The following TMEM130 variants were observed in gnomAD, a reference collection of about 807,000 sequenced individuals.
The protein encoded by TMEM130 is transmembrane protein 130.
In TMEM130, 37 loss-of-function variants were observed where a neutral mutation model predicts 42.9. The observed-to-expected ratio is 0.86, with a 90% CI of 0.66 to 1.13. TMEM130 has a LOEUF of 1.13. Among genes scored for constraint, TMEM130 ranks in the 50% most tolerant of loss-of-function variants. The pLI is 0.00. For synonymous variants in TMEM130, 259 were observed against 237.7 expected (o/e 1.09, Z -0.82); for missense variants, 545 against 562.6 (o/e 0.97, Z 0.32).
Position 98,869,068 on chromosome 7 carries a change from C to T in TMEM130, c.85+709G>A. The stretch of plus-strand genomic sequence containing the variant: ...AGCTGCCCACGTCCCATCTGTCCCT[C>T]GAATAGTCTTAAATCTGGGTCCTTT... On this transcript the variant is annotated intron_variant, in intron 1 of 7. Transcript: ENST00000339375. This position sits in a 1 kb window ranked among gnomAD's most constrained non-coding sequence, Gnocchi z 4.7. The T allele has an allele frequency of 1.3e-6, 1 of 743,980 alleles. No individual in the cohort carries two copies. Among genetic ancestry groups the T allele is most frequent in the Non-Finnish European group, 1.8e-6 (1 of 545,594 alleles). 46.1% of individuals were successfully genotyped at this position (743,980 alleles called of 1,614,324 possible).
chr7:98,848,631 G>A lies in TMEM130; in HGVS notation c.1071C>T (p.Ile357=). 6.2e-7 allele frequency: 1 copy of A among 1,614,108 alleles called. No individual in the cohort carries two copies. Among genetic ancestry groups the A allele is most frequent in the Admixed American group, 1.7e-5 (1 of 60,008 alleles). The change falls in exon 7 of 8, where the codon ATC becomes ATT. Residue 357 remains isoleucine, a synonymous_variant. Coordinates refer to ENST00000339375, the MANE Select transcript of TMEM130 (RefSeq NM_152913.3). ...TGGCATTCCGCAGGGTCATGTACATGATGAAGGCCAACATCACAGTGATAA... is the reference window on the plus strand; with the variant it reads ...TGGCATTCCGCAGGGTCATGTACATAATGAAGGCCAACATCACAGTGATAA... ...ATLITVMLAF[I]MYMTLRNATQ...
At chr7:98,860,942 CAAAAAAAAAAAAA>C (rs3066865) in intron 2 of TMEM130, among the ~76,000 whole-genome samples, 6 of 69,512 alleles carry the variant, frequency 8.6e-5, no homozygotes, top group Non-Finnish European at 5.5e-5. Context: ...GACTCTGTCT[CAAAAAAAAAAAAA>C]AAAAAAAAAA....
rs145989307 is a variant in TMEM130 at position 98,851,507 on chromosome 7, T to G, written c.920A>C (p.Asp307Ala). 4,916 of 1,613,942 alleles carry G rather than the reference T, an allele frequency of 3.0e-3. 82 individuals carry two copies. In the Admixed American group the frequency reaches 0.041, roughly 14 times the overall value. Residue 307 changes from aspartate (D) to alanine (A), a missense_variant, in exon 6 of 8, where the codon GAC (aspartate) becomes GCC (alanine). Coordinates refer to ENST00000339375, the MANE Select transcript of TMEM130 (RefSeq NM_152913.3). Reference sequence around the variant, plus strand: ...GATGCTGAAGCAGTAGTCCCCAGGGTCCCTGAAGGTGTGGGTCAGGTTGTA... The same window carrying G: ...GATGCTGAAGCAGTAGTCCCCAGGGGCCCTGAAGGTGTGGGTCAGGTTGTA... ...TAYNLTHTFR[D>A]PGDYCFSIRA...
intron 7 of TMEM130, 33 bp from the exon 8 acceptor site, chr7:98,848,241 C>T: frequency 6.2e-7 from 1 of 1,613,290 alleles, no homozygotes; most frequent in Non-Finnish European, 8.5e-7. Context: ...TCAAAATCAG[C>T]CACCTATGAT....
At chr7:98,860,471 G>A (rs782228361) in intron 2 of TMEM130, 133 bp from the exon 3 acceptor site, 4 of 921,824 alleles carry the variant, frequency 4.3e-6, no homozygotes. Context: ...AGCTAGGCAG[G>A]GAGAGGGGAC....
chr7:98,860,041 C>T (rs1417426621), intron 3 of TMEM130, 138 bp downstream of exon 3: 2 of 712,248 alleles, frequency 2.8e-6, no homozygotes, highest in East Asian at 6.8e-5. Flanking sequence ...TGCACTCCAG[C>T]CTGGATGACA....
intron 4 of TMEM130, 32 bp downstream of exon 4, chr7:98,855,985 C>T: frequency 1.9e-6 from 3 of 1,605,948 alleles, no homozygotes; most frequent in Non-Finnish European, 2.5e-6. Context: ...CTCTGGAACG[C>T]CCAGACTGCA....
At chr7:98,859,719 TATAA>T (rs56856307) in intron 3 of TMEM130, among the ~76,000 whole-genome samples, 56,283 of 149,342 alleles carry the variant, frequency 0.38, 13,031 homozygotes, top group Non-Finnish European at 0.5. Flanking sequence ...TACTAAAAAA[TATAA>T]ATAAATAAAT....
In TMEM130 at chr7:98,856,163, TCTTCAGTCACCATCTGGGTC is replaced by T; in HGVS notation, c.552_571del (p.Thr185LeufsTer6). 1 of 1,613,604 alleles carries T rather than the reference TCTTCAGTCACCATCTGGGTC, an allele frequency of 6.2e-7. No individual in the cohort carries two copies. The highest frequency in any genetic ancestry group is 8.5e-7 in the Non-Finnish European group (1 of 1,179,940). On this transcript the variant is annotated frameshift_variant and splice_region_variant, in exon 4 of 8. Transcript: ENST00000339375. LOFTEE classifies it high-confidence loss of function. ...GGAATAGTTATAATAGACCACGGAG[TCTTCAGTCACCATCTGGGTC>T]CTGTTAGGAGACAGGGAGGAGAGAG...
rs572880172 is a variant in TMEM130 at position 98,854,099 on chromosome 7, G to A, written c.803+1141C>T. Among the ~76,000 whole-genome samples, 7 of 150,322 alleles carry A rather than the reference G, an allele frequency of 4.7e-5. No individual in the cohort carries two copies. The South Asian group carries it at 1.1e-3, about 23-fold the overall frequency. On this transcript the variant is annotated intron_variant, in intron 5 of 7. Transcript: ENST00000339375. Reference sequence around the variant, plus strand: ...GTCGCCCAGGCTGGAGTGCAATGGCGGGATCTCGGCTCACTGCAACCTCCA... The same window carrying A: ...GTCGCCCAGGCTGGAGTGCAATGGCAGGATCTCGGCTCACTGCAACCTCCA...
rs148531068 is a variant in TMEM130 at position 98,847,504 on chromosome 7, C to CTG, written c.*550_*551dup. On this transcript the variant is annotated 3_prime_UTR_variant, in exon 8 of 8. Coordinates refer to ENST00000339375, the MANE Select transcript of TMEM130 (RefSeq NM_152913.3). ...CCATGTGACGCATGTGTTTATATTT[C>CTG]TGTGTGTGTGTGTGTGTGTGTGTGT... is the stretch of plus-strand genomic sequence containing the variant. 1,765 of 150,866 alleles carry CTG rather than the reference C, an allele frequency of 0.012. 14 individuals are homozygous for CTG. The highest frequency in any genetic ancestry group is 0.034 in the East Asian group (170 of 5,066). The allele number at this position is 150,866 out of a possible 1,614,324, so 9.3% of individuals were successfully genotyped here. A position where few individuals can be genotyped will look rare whatever the true frequency, so the allele number is the denominator to read the frequency against.
In TMEM130 at chr7:98,860,214, G is replaced by A. The variant is rs782023535; in HGVS notation, c.516C>T (p.Thr172=). The A allele has an allele frequency of 2.2e-5, 35 of 1,613,718 alleles. No homozygotes were observed. The East Asian group carries it at 2.2e-4, about 10-fold the overall frequency. Residue 172 remains threonine, a synonymous_variant, in exon 3 of 8, where the codon ACC becomes ACT. Transcript: ENST00000339375. ...LLHDPSNFLK[T]ALFLYSWDFG... ...AGTCCCAGCTGTAGAGAAACAAGGC[G>A]GTCTTGAGGAAGTTGCTCGGGTCGT... is the stretch of plus-strand genomic sequence containing the variant.
chr7:98,856,258 T>G (rs1378775140), intron 3 of TMEM130, 75 bp from the exon 4 acceptor site: 35 of 1,456,980 alleles, frequency 2.4e-5, no homozygotes, highest in Non-Finnish European at 2.8e-5. Context: ...CAGAAGTGAT[T>G]CATGGGACTT....
At chr7:98,858,160 T>G (rs1025511028) in intron 3 of TMEM130, among the ~76,000 whole-genome samples, 6 of 149,238 alleles carry the variant, frequency 4.0e-5, no homozygotes, top group Admixed American at 6.6e-5. Context: ...TAATGTTAGT[T>G]GTTAGTTCCA....
chr7:98,850,899 G>A (rs1464944417), intron 6 of TMEM130, among the ~76,000 whole-genome samples: 1 of 152,148 alleles, frequency 6.6e-6, no homozygotes, highest in Non-Finnish European at 1.5e-5. Flanking sequence ...GGGGACGTGT[G>A]GTCTTGGAAA....
intron 5 of TMEM130, among the ~76,000 whole-genome samples, chr7:98,852,080 G>A (rs1482822214): frequency 6.6e-6 from 1 of 152,016 alleles, no homozygotes; most frequent in Non-Finnish European, 1.5e-5. Flanking sequence ...CCGAGTAGCT[G>A]GGGCTACAGG....
intron 5 of TMEM130, among the ~76,000 whole-genome samples, chr7:98,853,073 T>C (rs574248577): frequency 2.5e-4 from 38 of 152,248 alleles, no homozygotes; most frequent in African/African-American, 8.7e-4. Context: ...ATCCAAGGAA[T>C]GTGAAATGAG....
intron 5 of TMEM130, 35 bp downstream of exon 5, chr7:98,855,205 C>T (rs782759211): frequency 8.1e-5 from 129 of 1,589,902 alleles, no homozygotes; most frequent in Middle Eastern, 3.3e-4. Context: ...GCAGAGCCCA[C>T]GGGGCACCCC....
rs1554398253 is a variant in TMEM130, at chr7:98,851,563, C to T, written c.864G>A (p.Glu288=). ...KPECLPLEEG[E]CHPVSVASTA... ...TGCTGGCCACGGACACAGGGTGGCACTCCCCTTCCTCCAGCGGGAGGCACT... is the reference window on the plus strand; with the variant it reads ...TGCTGGCCACGGACACAGGGTGGCATTCCCCTTCCTCCAGCGGGAGGCACT... Residue 288 remains glutamate (E), a synonymous_variant, in exon 6 of 8, where the codon GAG becomes GAA. Transcript: ENST00000339375. 7 of 1,613,802 alleles carry T rather than the reference C, an allele frequency of 4.3e-6. No homozygotes were observed. Among genetic ancestry groups the T allele is most frequent in the South Asian group, 1.1e-5 (1 of 91,058 alleles).
Sources: gnomAD v4.1 joint callset for allele counts (sites outside exome capture counted in the v4.1 genomes callset) on GRCh38, gnomAD v4.1.1 for gene constraint, Gnocchi (gnomAD v3.1) non-coding constraint, MANE v1.5 for transcripts, NCBI Gene and HGNC (gene_info 2026-07-23, HGNC 2026-07-21) for gene names.